SDC2: variants seen among roughly 807,000 people sequenced by gnomAD.
SDC2 encodes the protein syndecan-2.
In SDC2, 13 loss-of-function variants were observed where a neutral mutation model predicts 22.2. The observed-to-expected ratio is 0.59, with a 90% CI of 0.38 to 0.93. The LOEUF is 0.93. Ranked by LOEUF, SDC2 falls within the 40% of genes least tolerant of loss-of-function variation. SDC2 has a pLI of 0.00. For synonymous variants in SDC2, 94 were observed against 92.8 expected (o/e 1.01, Z -0.07); for missense variants, 235 against 246.8 (o/e 0.95, Z 0.32).
chr8:96,601,405 G>C (rs1466971559), intron 2 of SDC2, among the ~76,000 whole-genome samples: 3 of 152,074 alleles, frequency 2.0e-5, no homozygotes. Context: ...ACTTTGGGAG[G>C]CTGAAGCAGG....
intron 3 of SDC2, among the ~76,000 whole-genome samples, chr8:96,604,158 T>A (rs899734505): frequency 1.3e-5 from 2 of 152,172 alleles, no homozygotes; most frequent in African/African-American, 4.8e-5. Context: ...CCTGGGTGAG[T>A]TTTGGCTTGT....
intron 1 of SDC2, among the ~76,000 whole-genome samples, chr8:96,578,837 T>C (rs1241680458): frequency 5.9e-5 from 9 of 152,294 alleles, no homozygotes; most frequent in Admixed American, 6.5e-5. Context: ...AGGGGCCTTC[T>C]CTAATTTGAG....
At chr8:96,517,991 T>G (rs1488400887) in intron 1 of SDC2, among the ~76,000 whole-genome samples, 2 of 152,004 alleles carry the variant, frequency 1.3e-5, no homozygotes, top group Non-Finnish European at 2.9e-5. Flanking sequence ...GAACGATTGG[T>G]TTGCTGTTGG....
At position 96,610,980 on chromosome 8, in the gene SDC2, A is replaced by C. The variant is rs1258641679; in HGVS notation, c.*1432A>C. On this transcript the variant is annotated 3_prime_UTR_variant, in exon 5 of 5. Transcript: ENST00000302190. ...TAACTTACAAGACTGTAAATTCCAA[A>C]GATCTGAATGGGGCTTTCCTGATGT... 6.5e-6 allele frequency: 1 copy of C among 152,680 alleles called. No homozygotes were observed. The highest frequency in any genetic ancestry group is 1.5e-5 in the Non-Finnish European group (1 of 68,050). The allele number at this position is 152,680 out of a possible 1,614,324, so 9.5% of individuals were successfully genotyped here.
chr8:96,595,681 A>C (rs565982922), intron 2 of SDC2, among the ~76,000 whole-genome samples: 45 of 152,350 alleles, frequency 3.0e-4, no homozygotes, highest in African/African-American at 9.1e-4. Flanking sequence ...GGTTGACCTT[A>C]AGTCTAGTTT....
intron 3 of SDC2, among the ~76,000 whole-genome samples, chr8:96,608,002 G>C (rs1815111358): frequency 6.6e-6 from 1 of 152,142 alleles, no homozygotes; most frequent in Admixed American, 6.5e-5. Context: ...CAGTCAGAGG[G>C]AGATGGTGAC....
intron 1 of SDC2, among the ~76,000 whole-genome samples, chr8:96,547,225 A>G (rs1239040320): frequency 6.6e-6 from 1 of 152,194 alleles, no homozygotes; most frequent in African/African-American, 2.4e-5. Context: ...TGAGTTGACA[A>G]CGTTTTGGTC....
chr8:96,556,341 T>G lies in SDC2; in HGVS notation c.61-37139T>G, dbSNP rs192488503. Among the ~76,000 whole-genome samples, 15 of 151,048 alleles carry G rather than the reference T, an allele frequency of 9.9e-5. 1 individual carries two copies. The highest frequency in any genetic ancestry group is 5.9e-4 in the Admixed American group (9 of 15,154). On this transcript the variant is annotated intron_variant, in intron 1 of 4. Coordinates refer to ENST00000302190, the MANE Select transcript of SDC2 (RefSeq NM_002998.4). ...ACACACTTTTAACCAGTTTTAGGATTTTATTAATTAAATACTTTGCCACAT... is the reference window on the plus strand; with the variant it reads ...ACACACTTTTAACCAGTTTTAGGATGTTATTAATTAAATACTTTGCCACAT...
chr8:96,594,830 T>A (rs981603592), intron 2 of SDC2, among the ~76,000 whole-genome samples: 1 of 152,192 alleles, frequency 6.6e-6, no homozygotes, highest in African/African-American at 2.4e-5. Flanking sequence ...CTTCACATGG[T>A]GGCAGCAGGG....
rs1370967359 is a variant in SDC2 at position 96,542,289 on chromosome 8, GT to G, written c.60+47959del. The stretch of plus-strand genomic sequence containing the variant: ...TGTAAGGCCTTTATTTGATGTGCAT[GT>G]ATCTCCCATTTTATAGCCCACATCA... On this transcript the variant is annotated intron_variant, in intron 1 of 4. Coordinates refer to ENST00000302190, the MANE Select transcript of SDC2 (RefSeq NM_002998.4). Among the ~76,000 whole-genome samples the G allele has an allele frequency of 4.6e-5, 7 of 152,260 alleles. No homozygotes were observed. The East Asian group carries it at 1.4e-3, about 29-fold the overall frequency.
intron 1 of SDC2, among the ~76,000 whole-genome samples, chr8:96,522,423 C>T (rs2575735): frequency 0.62 from 93,859 of 151,756 alleles, 29,996 homozygotes; most frequent in Non-Finnish European, 0.69. Context: ...AAGGGAACGC[C>T]GTGTATTATT....
Position 96,588,668 on chromosome 8 carries a change from G to T in SDC2, c.61-4812G>T, listed in dbSNP as rs545083792. Among the ~76,000 whole-genome samples the T allele has an allele frequency of 2.8e-4, 43 of 152,230 alleles. No individual in the cohort carries two copies. In the South Asian group the frequency reaches 6.6e-3, roughly 23 times the overall value. ...TCAAAGGCTAATTTTCTGAAAGTTGGGTCTGGGAGTCTGAGTTATCCATAA... is the reference window on the plus strand; with the variant it reads ...TCAAAGGCTAATTTTCTGAAAGTTGTGTCTGGGAGTCTGAGTTATCCATAA... On this transcript the variant is annotated intron_variant, in intron 1 of 4. Transcript: ENST00000302190.
Position 96,593,596 on chromosome 8 carries a change from G to C in SDC2, c.172+5G>C, listed in dbSNP as rs1241283693. On this transcript the variant is annotated splice_donor_5th_base_variant and intron_variant, in intron 2 of 4. Coordinates refer to ENST00000302190, the MANE Select transcript of SDC2 (RefSeq NM_002998.4). Reference sequence around the variant, plus strand: ...ACGCTTCTGCGTCTGGCTCGGGTAAGGTGGCTGCTTCTAAACACTGGACCT... The same window carrying C: ...ACGCTTCTGCGTCTGGCTCGGGTAACGTGGCTGCTTCTAAACACTGGACCT... 1 of 1,583,944 alleles carries C rather than the reference G, an allele frequency of 6.3e-7. No individual in the cohort carries two copies. The highest frequency in any genetic ancestry group is 8.7e-7 in the Non-Finnish European group (1 of 1,152,838).
chr8:96,496,133 G>T (rs1348563), intron 1 of SDC2, among the ~76,000 whole-genome samples: 65,823 of 151,920 alleles, frequency 0.43, 14,464 homozygotes, highest in Admixed American at 0.54. Flanking sequence ...CTTATTCATG[G>T]ATTTGCTAGG....
intron 1 of SDC2, among the ~76,000 whole-genome samples, chr8:96,589,942 T>C (rs1814750875): frequency 6.6e-6 from 1 of 152,212 alleles, no homozygotes; most frequent in Admixed American, 6.5e-5. Context: ...GAGACAAGTA[T>C]GTATCTTGCC....
At chr8:96,542,959 A>AT (rs1813875957) in intron 1 of SDC2, among the ~76,000 whole-genome samples, 1 of 152,212 alleles carries the variant, frequency 6.6e-6, no homozygotes, top group Non-Finnish European at 1.5e-5. Context: ...GAGGATAGTT[A>AT]TACAGGGGAA....
intron 1 of SDC2, among the ~76,000 whole-genome samples, chr8:96,520,214 A>T (rs1041968303): frequency 1.3e-5 from 2 of 152,242 alleles, no homozygotes; most frequent in Non-Finnish European, 2.9e-5. Context: ...AATCCATTTT[A>T]CTAAAGCTAG....
At chr8:96,535,164 A>C (rs920782710) in intron 1 of SDC2, among the ~76,000 whole-genome samples, 4 of 152,152 alleles carry the variant, frequency 2.6e-5, no homozygotes, top group Non-Finnish European at 4.4e-5. Flanking sequence ...ATGTGCCACC[A>C]CGCCCAGCTA....
chr8:96,600,136 G>A (rs1200870934), intron 2 of SDC2, among the ~76,000 whole-genome samples: 2 of 152,120 alleles, frequency 1.3e-5, no homozygotes, highest in African/African-American at 4.8e-5. Flanking sequence ...TCTGGCCTGG[G>A]TGACAGAGCA....
Sources: gnomAD v4.1 joint callset for allele counts (sites outside exome capture counted in the v4.1 genomes callset) on GRCh38, gnomAD v4.1.1 for gene constraint, MANE v1.5 for transcripts, NCBI Gene and HGNC (gene_info 2026-07-23, HGNC 2026-07-21) for gene names.